The following CSGALNACT1 variants were observed in gnomAD, a reference collection of about 807,000 sequenced individuals.
CSGALNACT1 encodes the protein beta4GalNAcT-1.
In CSGALNACT1, 52 loss-of-function variants were observed where a neutral mutation model predicts 51.0. That is an observed-to-expected ratio of 1.02 (90% confidence interval 0.82 to 1.29). CSGALNACT1 has a LOEUF of 1.29. Ranked by LOEUF, CSGALNACT1 falls within the 50% of genes most tolerant of loss-of-function variation. CSGALNACT1 has a pLI of 0.00. For synonymous variants in CSGALNACT1, 341 were observed against 254.4 expected (o/e 1.34, Z -3.24); for missense variants, 935 against 679.2 (o/e 1.38, Z -4.19).
intron 3 of CSGALNACT1, among the ~76,000 whole-genome samples, chr8:19,568,043 T>C (rs541549699): frequency 6.6e-6 from 1 of 152,314 alleles, no homozygotes; most frequent in Admixed American, 6.5e-5. Flanking sequence ...AAAAATCAAA[T>C]TGGATGTAAT....
intron 1 of CSGALNACT1, among the ~76,000 whole-genome samples, chr8:19,730,964 G>A (rs61477227): frequency 0.031 from 4,738 of 152,204 alleles, 249 homozygotes; most frequent in African/African-American, 0.11. Context: ...ACCCTGGGAG[G>A]AGAGGTGGGG....
intron 5 of CSGALNACT1, among the ~76,000 whole-genome samples, chr8:19,444,068 T>G (rs2061739604): frequency 6.6e-6 from 1 of 152,186 alleles, no homozygotes; most frequent in Non-Finnish European, 1.5e-5. Context: ...CAGGTGGTAA[T>G]GCTCACTTAC....
chr8:19,708,698 G>C (rs1328432633), intron 1 of CSGALNACT1, among the ~76,000 whole-genome samples: 1 of 152,146 alleles, frequency 6.6e-6, no homozygotes, highest in Admixed American at 6.5e-5. Context: ...CCTCATTACT[G>C]CTCCATCCTC....
At chr8:19,547,308 A>C (rs537827416) in intron 3 of CSGALNACT1, among the ~76,000 whole-genome samples, 2 of 152,316 alleles carry the variant, frequency 1.3e-5, no homozygotes, top group African/African-American at 4.8e-5. Context: ...AACTAACTGG[A>C]ATCAGAATGC....
At chr8:19,477,730 T>C (rs150487451) in intron 4 of CSGALNACT1, among the ~76,000 whole-genome samples, 2 of 152,200 alleles carry the variant, frequency 1.3e-5, no homozygotes, top group Non-Finnish European at 2.9e-5. Context: ...TCTTCACTTC[T>C]AAAATAAGAA....
chr8:19,706,813 G>A (rs550518750), intron 1 of CSGALNACT1, among the ~76,000 whole-genome samples: 2 of 152,182 alleles, frequency 1.3e-5, no homozygotes, highest in Admixed American at 1.3e-4. Flanking sequence ...CTTTTGTAGA[G>A]ACAGGATCTT....
chr8:19,506,543 G>T (rs755334288), intron 3 of CSGALNACT1, among the ~76,000 whole-genome samples: 1 of 152,190 alleles, frequency 6.6e-6, no homozygotes, highest in Admixed American at 6.5e-5. Context: ...TGCTGTGTTT[G>T]TTTGTCCCCT....
At chr8:19,559,737 A>T (rs938631459) in intron 3 of CSGALNACT1, among the ~76,000 whole-genome samples, 1 of 152,230 alleles carries the variant, frequency 6.6e-6, no homozygotes, top group East Asian at 1.9e-4. Context: ...AATCTAACAA[A>T]AGACATGCAG....
In CSGALNACT1 at chr8:19,505,532, G is replaced by A. The variant is rs540351043; in HGVS notation, c.303C>T (p.Ser101=). Residue 101 remains serine (S), a synonymous_variant, in exon 4 of 10, where the codon AGC becomes AGT. Transcript: ENST00000454498. ...TGTCCAGACCCAGGCCAGCAGCATC[G>A]CTGGCTTGGTACTGCCCATTCCTGA... The A allele has an allele frequency of 2.4e-5, 38 of 1,613,884 alleles. 1 individual carries two copies. The South Asian group carries it at 2.6e-4, about 11-fold the overall frequency.
intron 1 of CSGALNACT1, among the ~76,000 whole-genome samples, chr8:19,714,948 T>A (rs556477455): frequency 3.3e-5 from 5 of 152,280 alleles, no homozygotes; most frequent in Admixed American, 3.3e-4. Flanking sequence ...GGCCCCAGTG[T>A]CTGCTGTTCT....
At chr8:19,592,554 C>A (rs563175156) in intron 2 of CSGALNACT1, among the ~76,000 whole-genome samples, 1 of 152,120 alleles carries the variant, frequency 6.6e-6, no homozygotes, top group South Asian at 2.1e-4. Flanking sequence ...GAGTTTGAGA[C>A]CAGCGTGGGC....
At chr8:19,603,424 C>T (rs1199815797), upstream of CSGALNACT1, among the ~76,000 whole-genome samples, 5 of 152,222 alleles carry the variant, frequency 3.3e-5, no homozygotes, top group African/African-American at 9.6e-5. Context: ...GGCCCCAACT[C>T]GGTCCTCTAC....
chr8:19,457,457 G>C, intron 5 of CSGALNACT1: 2 of 367,206 alleles, frequency 5.4e-6, no homozygotes, highest in South Asian at 4.2e-5. Flanking sequence ...TACTAAAAAT[G>C]CAAAAATTAG....
intron 3 of CSGALNACT1, among the ~76,000 whole-genome samples, chr8:19,565,621 A>G (rs2041751248): frequency 6.6e-6 from 1 of 152,194 alleles, no homozygotes; most frequent in Non-Finnish European, 1.5e-5. Flanking sequence ...CTCTATTCTT[A>G]CATTAAAGAA....
At chr8:19,706,386 T>C (rs2062165489) in intron 1 of CSGALNACT1, among the ~76,000 whole-genome samples, 1 of 152,166 alleles carries the variant, frequency 6.6e-6, no homozygotes. Flanking sequence ...AAAGGAAAAC[T>C]GCGGCGGAGG....
rs528001953 is a variant in CSGALNACT1 at position 19,638,839 on chromosome 8, T to C, written c.-543-36974A>G. Among the ~76,000 whole-genome samples, 23 of 152,242 alleles carry C rather than the reference T, an allele frequency of 1.5e-4. No homozygotes were observed. In the South Asian group the frequency reaches 3.1e-3, roughly 21 times the overall value. ...TTGTAAATTCAATAGATGATCATTATTCTTAAAGGCCACATTCTGATGTAA... is the reference window on the plus strand; with the variant it reads ...TTGTAAATTCAATAGATGATCATTACTCTTAAAGGCCACATTCTGATGTAA... On this transcript the variant is annotated intron_variant, in intron 1 of 9. Transcript: ENST00000332246.
At chr8:19,712,698 C>G (rs2062581791) in intron 1 of CSGALNACT1, among the ~76,000 whole-genome samples, 1 of 152,148 alleles carries the variant, frequency 6.6e-6, no homozygotes, top group Non-Finnish European at 1.5e-5. Flanking sequence ...CCTTCCTGGC[C>G]AAAACAGCAC....
At chr8:19,440,037 G>A (rs911188155) in intron 5 of CSGALNACT1, 106 bp from the exon 5 acceptor site, 2 of 907,588 alleles carry the variant, frequency 2.2e-6, no homozygotes, top group African/African-American at 3.3e-5. Context: ...AAGGAAACTA[G>A]GTAAACTTCC....
intron 6 of CSGALNACT1, among the ~76,000 whole-genome samples, chr8:19,437,628 C>A (rs780691548): frequency 9.2e-5 from 14 of 152,146 alleles, no homozygotes. Flanking sequence ...TTATTTTATT[C>A]CCTATGCAAC....
Sources: allele counts gnomAD v4.1 joint callset (sites outside exome capture counted in the v4.1 genomes callset), GRCh38; gene constraint gnomAD v4.1.1; transcripts MANE v1.5; gene names NCBI Gene and HGNC (gene_info 2026-07-23, HGNC 2026-07-21).